The following ABAT variants were observed in gnomAD, a reference collection of about 807,000 sequenced individuals.
The protein encoded by ABAT is 4-aminobutyrate aminotransferase.
A neutral mutation model predicts 64.6 loss-of-function variants in ABAT; 45 were observed. The ratio of observed to expected loss-of-function variants is 0.70; its 90% confidence interval spans 0.55 to 0.89. ABAT has a LOEUF of 0.89. Among genes scored for constraint, ABAT ranks in the 40% least tolerant of loss-of-function variants. The pLI is 0.00. For synonymous variants in ABAT, 297 were observed against 250.5 expected (o/e 1.19, Z -1.75); for missense variants, 633 against 658.4 (o/e 0.96, Z 0.42).
At chr16:8,752,369 T>C (rs9673409) in intron 5 of ABAT, among the ~76,000 whole-genome samples, 3,950 of 152,284 alleles carry the variant, frequency 0.026, 161 homozygotes, top group African/African-American at 0.089. Flanking sequence ...GCTGTGGGAC[T>C]GTGACCCACC....
At chr16:8,701,754 A>G (rs2057828268) in intron 1 of ABAT, among the ~76,000 whole-genome samples, 1 of 152,200 alleles carries the variant, frequency 6.6e-6, no homozygotes, top group Non-Finnish European at 1.5e-5. Context: ...GAGGGAGGGC[A>G]GGGGTGCAAC....
chr16:8,733,131 C>G (rs1245891463), intron 1 of ABAT, among the ~76,000 whole-genome samples: 2 of 149,182 alleles, frequency 1.3e-5, no homozygotes, highest in Non-Finnish European at 3.0e-5. Context: ...GGGCTGACCC[C>G]CCCCCACCTC....
chr16:8,727,620 TATC>T (rs751722029), intron 1 of ABAT, among the ~76,000 whole-genome samples: 2 of 152,204 alleles, frequency 1.3e-5, no homozygotes, highest in Non-Finnish European at 2.9e-5. Context: ...TTTATGTACA[TATC>T]ATGCTGAGTT....
At chr16:8,699,984 T>A (rs1002299318) in intron 1 of ABAT, among the ~76,000 whole-genome samples, 6 of 123,102 alleles carry the variant, frequency 4.9e-5, no homozygotes, top group Non-Finnish European at 7.6e-5. Context: ...AATTTTTGTA[T>A]TTTTTTTTGT....
intron 1 of ABAT, among the ~76,000 whole-genome samples, chr16:8,718,473 TTTCAG>T (rs1252432747): frequency 3.3e-5 from 5 of 152,166 alleles, no homozygotes; most frequent in Non-Finnish European, 5.9e-5. Context: ...AGAGGTTGCT[TTTCAG>T]TTCAGTTCCT....
intron 6 of ABAT, among the ~76,000 whole-genome samples, chr16:8,763,482 T>C (rs939938229): frequency 1.3e-5 from 2 of 152,246 alleles, no homozygotes; most frequent in African/African-American, 4.8e-5. Flanking sequence ...CCTTAGGGTG[T>C]CCTATACAGT....
At chr16:8,767,062 T>TG (rs2059966822) in intron 9 of ABAT, among the ~76,000 whole-genome samples, 1 of 152,166 alleles carries the variant, frequency 6.6e-6, no homozygotes, top group Non-Finnish European at 1.5e-5. Context: ...AGGGAATTGG[T>TG]GCTCAACCAG....
chr16:8,719,576 A>C lies in ABAT; in HGVS notation c.-41-16123A>C, dbSNP rs74619983. 1.1e-3 allele frequency among the ~76,000 whole-genome samples: 172 copies of C among 152,314 alleles called. 3 individuals carry two copies. In the East Asian group the frequency reaches 0.029, roughly 26 times the overall value. On this transcript the variant is annotated intron_variant, in intron 1 of 15. Transcript: ENST00000268251. ...TGAGACAGGAGCATGAGGATGAGGC[A>C]GATCAGCTTCTTTCTCATGAAATCT...
rs185614242 is a variant in ABAT at position 8,762,723 on chromosome 16, T to G, written c.367-1346T>G. Among the ~76,000 whole-genome samples the G allele has an allele frequency of 5.6e-4, 85 of 152,248 alleles. No homozygotes were observed. The East Asian group carries it at 7.5e-3, about 13-fold the overall frequency. On this transcript the variant is annotated intron_variant, in intron 6 of 15. Coordinates refer to ENST00000268251, the MANE Select transcript of ABAT (RefSeq NM_020686.6). ...CTGGGAGCCATTTCCCTGCTGCTAGTGAGGGCCAGCTTGCTTCCACCCTAT... is the reference window on the plus strand; with the variant it reads ...CTGGGAGCCATTTCCCTGCTGCTAGGGAGGGCCAGCTTGCTTCCACCCTAT...
intron 5 of ABAT, among the ~76,000 whole-genome samples, chr16:8,754,212 G>A (rs1731019): frequency 0.96 from 125,031 of 130,462 alleles, 59,952 homozygotes; most frequent in East Asian, 1. Flanking sequence ...AAAATTAGCC[G>A]GGCATGGTGG....
chr16:8,767,002 G>T (rs1314943123), intron 9 of ABAT, among the ~76,000 whole-genome samples: 1 of 152,100 alleles, frequency 6.6e-6, no homozygotes, highest in African/African-American at 2.4e-5. Flanking sequence ...AGTACAAGAG[G>T]GTTTCTGGAA....
intron 1 of ABAT, chr16:8,705,359 C>T (rs567443456): frequency 6.6e-6 from 1 of 152,160 alleles, no homozygotes; most frequent in Admixed American, 6.5e-5. Flanking sequence ...GAAACTGCCC[C>T]CATGATCCAG....
chr16:8,781,504 G>GT lies in ABAT; in HGVS notation c.*78dup. On this transcript the variant is annotated 3_prime_UTR_variant, in exon 16 of 16. Coordinates refer to ENST00000268251, the MANE Select transcript of ABAT (RefSeq NM_020686.6). This position sits in a 1 kb window ranked among gnomAD's most constrained non-coding sequence, Gnocchi z 4.5. ...AAATTGATTAGTTTGCCTAATTCAT[G>GT]TTTTCACTTAAAAGTATCAGAGGTG... 1 of 1,415,660 alleles carries GT rather than the reference G, an allele frequency of 7.1e-7. No individual in the cohort carries two copies. Among genetic ancestry groups the GT allele is most frequent in the Non-Finnish European group, 9.5e-7 (1 of 1,052,380 alleles). The allele number at this position is 1,415,660 out of a possible 1,614,324, so 87.7% of individuals were successfully genotyped here. A position where few individuals can be genotyped will look rare whatever the true frequency, so the allele number is the denominator to read the frequency against.
At position 8,686,465 on chromosome 16, in the gene ABAT, G is replaced by T. The variant is rs1286531791; in HGVS notation, c.-42+11754G>T. Among the ~76,000 whole-genome samples the T allele has an allele frequency of 3.9e-5, 6 of 152,170 alleles. No individual in the cohort carries two copies. The East Asian group carries it at 1.2e-3, about 29-fold the overall frequency. On this transcript the variant is annotated intron_variant, in intron 1 of 15. Transcript: ENST00000268251. ...GCAGAGAACCCTGGACAGAGTTTTG[G>T]CTCCAGCTTTACCCATGATAATGAC...
intron 13 of ABAT, among the ~76,000 whole-genome samples, chr16:8,775,707 A>G (rs2060248423): frequency 6.6e-6 from 1 of 152,230 alleles, no homozygotes; most frequent in Admixed American, 6.5e-5. Context: ...GCAGTAGGAA[A>G]GAAAAAGAAG....
chr16:8,739,061 T>A (rs2059079652), intron 2 of ABAT, among the ~76,000 whole-genome samples: 1 of 152,244 alleles, frequency 6.6e-6, no homozygotes, highest in Non-Finnish European at 1.5e-5. Flanking sequence ...AAAGAGAGTC[T>A]GGCACAGATG....
intron 2 of ABAT, among the ~76,000 whole-genome samples, chr16:8,740,547 A>C (rs574162902): frequency 1.2e-4 from 19 of 152,298 alleles, no homozygotes; most frequent in Admixed American, 5.2e-4. Flanking sequence ...GCTCCCTCAA[A>C]GCAAGAGAGG....
At chr16:8,742,971 C>T (rs939078900) in intron 2 of ABAT, among the ~76,000 whole-genome samples, 6 of 140,014 alleles carry the variant, frequency 4.3e-5, no homozygotes, top group African/African-American at 1.1e-4. Flanking sequence ...AGGAGTTCAA[C>T]GCCAGGCTGG....
intron 2 of ABAT, among the ~76,000 whole-genome samples, chr16:8,741,736 T>C (rs933082567): frequency 4.6e-5 from 7 of 152,216 alleles, no homozygotes; most frequent in Admixed American, 3.9e-4. Context: ...TTTTCCTTTT[T>C]TAAAAATGCC....
Sources: allele counts gnomAD v4.1 joint callset (sites outside exome capture counted in the v4.1 genomes callset), GRCh38; gene constraint gnomAD v4.1.1; non-coding constraint Gnocchi (gnomAD v3.1); transcripts MANE v1.5; gene names NCBI Gene and HGNC (gene_info 2026-07-23, HGNC 2026-07-21).